The following TBCD variants were observed in gnomAD, a reference collection of about 807,000 sequenced individuals.
The protein encoded by TBCD is tubulin folding cofactor D, also known as tubulin-specific chaperone D.
TBCD carries 105 observed loss-of-function variants against 169.3 expected under a neutral mutation model. That is an observed-to-expected ratio of 0.62 (90% CI 0.53 to 0.73). The LOEUF is 0.73. Ranked by LOEUF, TBCD falls within the 30% of genes least tolerant of loss-of-function variation. The pLI is 0.00. For missense variants in TBCD, 1,444 were observed against 1,600.1 expected, an observed-to-expected ratio of 0.90 and a Z score of 1.66; for synonymous variants, 700 against 643.9, an observed-to-expected ratio of 1.09 and a Z score of -1.32.
chr17:82,939,319 G>T (rs1425266211), intron 36 of TBCD, 48 bp from the exon 37 acceptor site: 3 of 1,478,200 alleles, frequency 2.0e-6, no homozygotes, highest in Non-Finnish European at 9.3e-7. Context: ...TCTCCGGGGT[G>T]GGGCGGTGGC....
rs2063428588 is a variant in TBCD, at chr17:82,942,819, C to A, written c.*356C>A. ...ACTCCTCCTGCCTGGAGACCAGGCC[C>A]CCTTCTTGCCTGGTGCTGTCCCTGC... On this transcript the variant is annotated 3_prime_UTR_variant, in exon 39 of 39. Coordinates refer to ENST00000355528, the MANE Select transcript of TBCD (RefSeq NM_005993.5). The A allele has an allele frequency of 2.6e-6, 1 of 381,796 alleles. No homozygotes were observed. Among genetic ancestry groups the A allele is most frequent in the Non-Finnish European group, 4.7e-6 (1 of 210,872 alleles). 23.7% of individuals were successfully genotyped at this position (381,796 alleles called of 1,614,324 possible).
At chr17:82,854,561 GATACTGTTGAA>G (rs1405233243) in intron 13 of TBCD, among the ~76,000 whole-genome samples, 2 of 152,244 alleles carry the variant, frequency 1.3e-5, no homozygotes, top group African/African-American at 4.8e-5. Flanking sequence ...GGGGTGTACA[GATACTGTTGAA>G]AATGTCAGAA....
intron 18 of TBCD, among the ~76,000 whole-genome samples, chr17:82,901,456 C>T (rs1282297591): frequency 6.7e-6 from 1 of 148,198 alleles, no homozygotes; most frequent in African/African-American, 2.4e-5. Context: ...GCGTTTGCTG[C>T]TGCCTGGGGA....
chr17:82,805,313 G>T (rs995963189), intron 9 of TBCD, among the ~76,000 whole-genome samples: 6 of 152,200 alleles, frequency 3.9e-5, no homozygotes, highest in African/African-American at 1.4e-4. Context: ...AGGTCCCAGG[G>T]TCTGTGCCAT....
intron 15 of TBCD, among the ~76,000 whole-genome samples, chr17:82,887,166 T>TGCGCGCGCGCGCGCGCGC (rs1164086857): frequency 9.2e-6 from 1 of 109,042 alleles, no homozygotes; most frequent in Non-Finnish European, 2.0e-5. Context: ...TGTGTGTGTG[T>TGCGCGCGCGCGCGCGCGC]GTGCGCGCGC....
intron 7 of TBCD, among the ~76,000 whole-genome samples, chr17:82,788,949 T>C (rs2049502521): frequency 6.6e-6 from 1 of 152,162 alleles, no homozygotes; most frequent in African/African-American, 2.4e-5. Context: ...TCTAAAACAT[T>C]TCACATTTAG....
chr17:82,925,908 G>A (rs561552964), intron 27 of TBCD, among the ~76,000 whole-genome samples: 1 of 150,516 alleles, frequency 6.6e-6, no homozygotes, highest in African/African-American at 2.4e-5. Flanking sequence ...GGGGCTGGCC[G>A]TGGAGAGGCT....
intron 34 of TBCD, among the ~76,000 whole-genome samples, chr17:82,935,930 T>G (rs967368090): frequency 2.0e-5 from 3 of 152,256 alleles, no homozygotes; most frequent in Non-Finnish European, 4.4e-5. Flanking sequence ...AGCTTTCCCA[T>G]TTTATGTGCA....
intron 13 of TBCD, chr17:82,838,887 G>T (rs779503091): frequency 4.4e-5 from 43 of 985,300 alleles, no homozygotes; most frequent in Non-Finnish European, 4.8e-5. Context: ...TGAAACTCCG[G>T]TCAGAAATGC....
At chr17:82,828,180 A>G (rs2053083558) in intron 13 of TBCD, among the ~76,000 whole-genome samples, 1 of 135,084 alleles carries the variant, frequency 7.4e-6, no homozygotes, top group South Asian at 2.5e-4. Context: ...CGTACAATCG[A>G]ATGCACACAC....
intron 28 of TBCD, chr17:82,926,966 C>T (rs920853692): frequency 6.3e-6 from 4 of 633,504 alleles, no homozygotes; most frequent in African/African-American, 5.5e-5. Context: ...GGGGCGTCCC[C>T]ATCCACCTTT....
At chr17:82,904,011 T>C (rs1330219382) in intron 19 of TBCD, among the ~76,000 whole-genome samples, 1 of 5,770 alleles carries the variant, frequency 1.7e-4, no homozygotes, top group East Asian at 7.4e-3. Flanking sequence ...GGCTCGCACC[T>C]GCCACACGAC....
intron 17 of TBCD, among the ~76,000 whole-genome samples, chr17:82,899,114 G>A (rs978042775): frequency 1.2e-4 from 19 of 152,222 alleles, no homozygotes; most frequent in African/African-American, 1.2e-4. Context: ...CGTCCGCAGC[G>A]CGTGTGTCCT....
chr17:82,775,601 G>A (rs1405758639), intron 6 of TBCD, among the ~76,000 whole-genome samples: 5 of 151,914 alleles, frequency 3.3e-5, no homozygotes, highest in African/African-American at 4.8e-5. Context: ...AGCTGCACCC[G>A]TCTCCCTTGA....
At chr17:82,940,587 T>C (rs1009150076) in intron 37 of TBCD, among the ~76,000 whole-genome samples, 2 of 152,196 alleles carry the variant, frequency 1.3e-5, no homozygotes, top group East Asian at 3.8e-4. Context: ...AGGTGGCCTC[T>C]CCAGGGCTTC....
At chr17:82,781,799 G>A in intron 7 of TBCD, 78 bp downstream of exon 7, 1 of 1,570,860 alleles carries the variant, frequency 6.4e-7, no homozygotes. Flanking sequence ...GATGTTACCT[G>A]TGATTCCATC....
At position 82,830,963 on chromosome 17, in the gene TBCD, C is replaced by T. The variant is rs957646999; in HGVS notation, c.1318+16029C>T. ...AGTGTGAGCAAGTATAAGCCTGGCT[C>T]ATGGAACCCAACCAGAAACATTCCC... On this transcript the variant is annotated intron_variant, in intron 13 of 38. Transcript: ENST00000355528. 13 of 1,613,302 alleles carry T rather than the reference C, an allele frequency of 8.1e-6. No homozygotes were observed. The Admixed American group carries it at 1.7e-4, about 21-fold the overall frequency.
intron 2 of TBCD, among the ~76,000 whole-genome samples, chr17:82,759,426 G>A (rs1295877800): frequency 6.6e-6 from 1 of 152,146 alleles, no homozygotes; most frequent in Non-Finnish European, 1.5e-5. Flanking sequence ...CGCGGAGGTA[G>A]CAGTGAACGA....
intron 18 of TBCD, among the ~76,000 whole-genome samples, chr17:82,902,055 C>T (rs1193431629): frequency 6.6e-6 from 1 of 152,278 alleles, no homozygotes; most frequent in Admixed American, 6.5e-5. Flanking sequence ...CTGTCTGTCT[C>T]TGCCTCAGTT....
Sources: gnomAD v4.1 joint callset for allele counts (sites outside exome capture counted in the v4.1 genomes callset) on GRCh38, gnomAD v4.1.1 for gene constraint, MANE v1.5 for transcripts, NCBI Gene and HGNC (gene_info 2026-07-23, HGNC 2026-07-21) for gene names.